Variants in THSD7A observed in about 807,000 individuals in gnomAD.
THSD7A encodes the protein thrombospondin type-1 domain-containing protein 7A.
Under a neutral mutation model 231.3 loss-of-function variants are expected in THSD7A, and 96 were observed. The ratio of observed to expected loss-of-function variants is 0.41; its 90% CI spans 0.35 to 0.49. The LOEUF is 0.49. THSD7A is among the 20% of genes least tolerant of loss of function. THSD7A has a pLI of 0.05. For synonymous variants in THSD7A, 940 were observed against 743.3 expected (o/e 1.26, Z -4.30); for missense variants, 2,290 against 2,070.2 (o/e 1.11, Z -2.06).
chr7:11,442,336 A>G (rs1015450983), intron 13 of THSD7A, among the ~76,000 whole-genome samples: 1 of 152,104 alleles, frequency 6.6e-6, no homozygotes, highest in Non-Finnish European at 1.5e-5. Context: ...AAATAATATA[A>G]TTAAGCTGGT....
rs1781826502 is a variant in THSD7A at position 11,636,007 on chromosome 7, G to A, written c.1022+123C>T. 2 of 826,402 alleles carry A rather than the reference G, an allele frequency of 2.4e-6. No homozygotes were observed. Among genetic ancestry groups the A allele is most frequent in the South Asian group, 4.8e-5 (2 of 41,386 alleles). The allele number at this position is 826,402 out of a possible 1,614,324, so 51.2% of individuals were successfully genotyped here. On this transcript the variant is annotated intron_variant, in intron 2 of 27. Coordinates refer to ENST00000423059, the MANE Select transcript of THSD7A (RefSeq NM_015204.3). This position sits in a 1 kb window ranked among gnomAD's most constrained non-coding sequence, Gnocchi z 10.0. ...ACAAGCTCAGAAGCCTTAAATTTGG[G>A]GGTAGCTCATCCTAGGTTGTGCCCC...
intron 16 of THSD7A, among the ~76,000 whole-genome samples, chr7:11,423,826 C>T (rs1178797891): frequency 6.6e-6 from 1 of 152,052 alleles, no homozygotes; most frequent in Admixed American, 6.6e-5. Flanking sequence ...AAACCTCGTG[C>T]ATTTGTTTCA....
intron 19 of THSD7A, among the ~76,000 whole-genome samples, chr7:11,408,705 A>G (rs1783674240): frequency 1.3e-5 from 2 of 152,184 alleles, no homozygotes; most frequent in Admixed American, 6.5e-5. Context: ...TGTTTCAAGT[A>G]TAGCTCTTAG....
intron 1 of THSD7A, among the ~76,000 whole-genome samples, chr7:11,641,006 A>G (rs1217922990): frequency 1.3e-5 from 2 of 152,120 alleles, no homozygotes; most frequent in Non-Finnish European, 2.9e-5. Context: ...ATCCCACTAC[A>G]GAGGGTGGTT....
chr7:11,742,793 A>T (rs543984374), intron 1 of THSD7A, among the ~76,000 whole-genome samples: 12 of 151,928 alleles, frequency 7.9e-5, no homozygotes, highest in Non-Finnish European at 1.6e-4. Flanking sequence ...GAAGCCATTC[A>T]TTCAAAGGTG....
chr7:11,423,098 C>T (rs1160942113), intron 16 of THSD7A, among the ~76,000 whole-genome samples: 3 of 152,092 alleles, frequency 2.0e-5, no homozygotes, highest in African/African-American at 7.2e-5. Flanking sequence ...TACCTCTCTA[C>T]CTCTTCCCCA....
intron 1 of THSD7A, among the ~76,000 whole-genome samples, chr7:11,694,386 C>T (rs1401731522): frequency 2.0e-5 from 3 of 151,486 alleles, no homozygotes; most frequent in Non-Finnish European, 4.4e-5. Context: ...AGATATAGTA[C>T]CATTCATTTT....
intron 2 of THSD7A, among the ~76,000 whole-genome samples, chr7:11,601,082 C>A (rs1332163191): frequency 6.6e-6 from 1 of 152,172 alleles, no homozygotes; most frequent in African/African-American, 2.4e-5. Context: ...GAAAGTCATG[C>A]AAAATAATGA....
At chr7:11,558,533 T>C (rs1468073334) in intron 4 of THSD7A, among the ~76,000 whole-genome samples, 1 of 152,078 alleles carries the variant, frequency 6.6e-6, no homozygotes, top group South Asian at 2.1e-4. Flanking sequence ...TAGAATTGCA[T>C]ATCCAGGGAT....
chr7:11,639,175 G>T (rs1305730148), intron 1 of THSD7A, among the ~76,000 whole-genome samples: 2 of 152,072 alleles, frequency 1.3e-5, no homozygotes, highest in Non-Finnish European at 2.9e-5. Context: ...CTAAATCCCA[G>T]ATGTAATTTA....
At chr7:11,379,607 T>C in intron 25 of THSD7A, 23 bp downstream of exon 25, 1 of 1,560,746 alleles carries the variant, frequency 6.4e-7, no homozygotes, top group Non-Finnish European at 8.7e-7. Context: ...CTGGCTTGTC[T>C]GCCCTGATGA....
intron 1 of THSD7A, among the ~76,000 whole-genome samples, chr7:11,703,601 G>T (rs1584236590): frequency 6.6e-6 from 1 of 151,114 alleles, no homozygotes; most frequent in Non-Finnish European, 1.5e-5. Flanking sequence ...TGTAATGCCT[G>T]GCACAATATC....
intron 14 of THSD7A, among the ~76,000 whole-genome samples, chr7:11,428,191 A>G (rs139410494): frequency 1.1e-4 from 16 of 152,320 alleles, no homozygotes; most frequent in African/African-American, 2.6e-4. Flanking sequence ...ATTCAAATAC[A>G]CAACTTAACA....
At chr7:11,792,820 T>A (rs1248996047) in intron 1 of THSD7A, among the ~76,000 whole-genome samples, 1 of 151,986 alleles carries the variant, frequency 6.6e-6, no homozygotes, top group Non-Finnish European at 1.5e-5. Flanking sequence ...GTTATTCAAC[T>A]TTCCATTGCA....
At chr7:11,769,122 A>C (rs13438586) in intron 1 of THSD7A, among the ~76,000 whole-genome samples, 4,797 of 34,576 alleles carry the variant, frequency 0.14, 559 homozygotes, top group Middle Eastern at 0.19. Flanking sequence ...AATTCCTGGC[A>C]ATATATATAT....
At chr7:11,739,161 A>G (rs1782020449) in intron 1 of THSD7A, among the ~76,000 whole-genome samples, 1 of 152,078 alleles carries the variant, frequency 6.6e-6, no homozygotes, top group African/African-American at 2.4e-5. Context: ...AAGTAATAGC[A>G]TAAGGAAAAG....
intron 2 of THSD7A, among the ~76,000 whole-genome samples, chr7:11,609,423 GGACCCAC>G (rs1287276062): frequency 1.3e-5 from 2 of 152,104 alleles, no homozygotes; most frequent in East Asian, 3.9e-4. Flanking sequence ...AGAACTGGGA[GGACCCAC>G]TTTAACAGTA....
intron 1 of THSD7A, among the ~76,000 whole-genome samples, chr7:11,681,515 T>C (rs968669430): frequency 6.6e-6 from 1 of 151,964 alleles, no homozygotes; most frequent in Non-Finnish European, 1.5e-5. Flanking sequence ...TTTCAGAGCC[T>C]GAAGATCAGT....
rs1784623348 is a variant in THSD7A, at chr7:11,814,552, G to A, written c.190+17205C>T. The stretch of plus-strand genomic sequence containing the variant: ...ATCATGACTTTCATGATTCTGCAGT[G>A]CTTGATCAACCAAGGTTGAAGGACC... On this transcript the variant is annotated intron_variant, in intron 1 of 27. Transcript: ENST00000423059. This position sits in a 1 kb window ranked among gnomAD's most constrained non-coding sequence, Gnocchi z 5.1. Among the ~76,000 whole-genome samples the A allele has an allele frequency of 6.6e-6, 1 of 152,112 alleles. No individual in the cohort carries two copies. Among genetic ancestry groups the A allele is most frequent in the Non-Finnish European group, 1.5e-5 (1 of 68,018 alleles).
Sources: allele counts gnomAD v4.1 joint callset (sites outside exome capture counted in the v4.1 genomes callset), GRCh38; gene constraint gnomAD v4.1.1; non-coding constraint Gnocchi (gnomAD v3.1); transcripts MANE v1.5; gene names NCBI Gene and HGNC (gene_info 2026-07-23, HGNC 2026-07-21).